The following RAD23B variants were observed in gnomAD, a reference collection of about 807,000 sequenced individuals.
The protein encoded by RAD23B is lysine-specific demethylase RAD23B.
A neutral mutation model predicts 49.1 loss-of-function variants in RAD23B; 5 were observed. The ratio of observed to expected loss-of-function variants is 0.10; its 90% CI spans 0.05 to 0.21. The LOEUF (loss-of-function observed/expected upper bound fraction) is 0.21. Among genes scored for constraint, RAD23B ranks in the 10% least tolerant of loss-of-function variants. The pLI is 1.00. For missense variants in RAD23B, 356 were observed against 486.7 expected, an observed-to-expected ratio of 0.73 and a Z score of 2.53; for synonymous variants, 184 against 165.4, an observed-to-expected ratio of 1.11 and a Z score of -0.86.
intron 1 of RAD23B, chr9:107,284,020 C>T (rs1195735791): frequency 1.9e-6 from 2 of 1,067,646 alleles, no homozygotes; most frequent in African/African-American, 1.7e-5. Flanking sequence ...GCCGTCTCAG[C>T]CGTAGAGCCT....
At chr9:107,292,223 C>T (rs1833396750) in intron 1 of RAD23B, among the ~76,000 whole-genome samples, 1 of 152,144 alleles carries the variant, frequency 6.6e-6, no homozygotes, top group African/African-American at 2.4e-5. Flanking sequence ...TTTACCATTT[C>T]TCCTTTGTGG....
At chr9:107,295,968 C>T (rs770753737) in intron 1 of RAD23B, among the ~76,000 whole-genome samples, 11 of 152,164 alleles carry the variant, frequency 7.2e-5, no homozygotes, top group Non-Finnish European at 1.6e-4. Context: ...AGTAGAGACT[C>T]TAGGGACCAA....
intron 1 of RAD23B, among the ~76,000 whole-genome samples, chr9:107,288,975 A>C (rs370422202): frequency 6.6e-6 from 1 of 152,098 alleles, no homozygotes; most frequent in East Asian, 1.9e-4. Flanking sequence ...AACATTTACA[A>C]GCAGGACAGA....
chr9:107,311,766 C>T, intron 5 of RAD23B, 29 bp downstream of exon 5: 1 of 1,504,402 alleles, frequency 6.6e-7, no homozygotes, highest in East Asian at 2.4e-5. Flanking sequence ...TTATAAATAA[C>T]CTATAAAGAG....
intron 5 of RAD23B, among the ~76,000 whole-genome samples, chr9:107,314,947 A>C (rs1826961391): frequency 6.6e-6 from 1 of 152,092 alleles, no homozygotes; most frequent in African/African-American, 2.4e-5. Flanking sequence ...CTTTTGAAGA[A>C]TGTTTTTTGC....
Position 107,318,729 on chromosome 9 carries a change from TCCCC to T in RAD23B, c.554-22_554-19del. 1 of 1,592,572 alleles carries T rather than the reference TCCCC, an allele frequency of 6.3e-7. No individual in the cohort carries two copies. The highest frequency in any genetic ancestry group is 8.6e-7 in the Non-Finnish European group (1 of 1,165,760). ...CTTATTTATTAAATGTTCCTTTTTT[TCCCC>T]TCCACCCTCCCTTTTTAGTGACGGG... is the stretch of plus-strand genomic sequence containing the variant. On this transcript the variant is annotated intron_variant, in intron 5 of 9. Coordinates refer to ENST00000358015, the MANE Select transcript of RAD23B (RefSeq NM_002874.5). This position sits in a 1 kb window ranked among gnomAD's most constrained non-coding sequence, Gnocchi z 4.3.
At chr9:107,288,772 A>G (rs1353339717) in intron 1 of RAD23B, among the ~76,000 whole-genome samples, 1 of 152,170 alleles carries the variant, frequency 6.6e-6, no homozygotes, top group African/African-American at 2.4e-5. Flanking sequence ...AGTAAAAATG[A>G]GCACTCGAGA....
At position 107,329,702 on chromosome 9, in the gene RAD23B, A is replaced by T. The variant is rs765716880; in HGVS notation, c.*46A>T. On this transcript the variant is annotated 3_prime_UTR_variant, in exon 10 of 10. Transcript: ENST00000358015. ...ACACTTCACACCAGTGCATTACACT[A>T]ACTTGTTCACTGGATTGTCTGGGAT... 7.6e-6 allele frequency: 10 copies of T among 1,320,770 alleles called. No individual in the cohort carries two copies. In the South Asian group the frequency reaches 1.1e-4, roughly 14 times the overall value. The allele number at this position is 1,320,770 out of a possible 1,614,324, so 81.8% of individuals were successfully genotyped here.
chr9:107,291,592 A>G (rs1459556051), intron 1 of RAD23B, among the ~76,000 whole-genome samples: 1 of 152,136 alleles, frequency 6.6e-6, no homozygotes, highest in Non-Finnish European at 1.5e-5. Flanking sequence ...GATTTTTCCT[A>G]TTTGTACTGA....
At chr9:107,316,274 T>G (rs1474340392) in intron 5 of RAD23B, among the ~76,000 whole-genome samples, 1 of 152,204 alleles carries the variant, frequency 6.6e-6, no homozygotes, top group Non-Finnish European at 1.5e-5. Context: ...GCCTCCCAAG[T>G]GCTGGGATTA....
intron 6 of RAD23B, among the ~76,000 whole-genome samples, chr9:107,320,386 A>G (rs1351305404): frequency 1.3e-5 from 2 of 152,202 alleles, no homozygotes; most frequent in Non-Finnish European, 2.9e-5. Context: ...TATAAGTTCA[A>G]CAGTATCAGT....
At chr9:107,284,865 CTG>C in intron 1 of RAD23B, 1 of 1,239,102 alleles carries the variant, frequency 8.1e-7, no homozygotes, top group Non-Finnish European at 1.1e-6. Context: ...GTTTCATTCT[CTG>C]TATAATAGGG....
intron 8 of RAD23B, 147 bp downstream of exon 8, chr9:107,324,164 T>C: frequency 1.1e-6 from 1 of 940,434 alleles, no homozygotes; most frequent in Non-Finnish European, 1.5e-6. Flanking sequence ...TATTGTAATC[T>C]AGATAGGTGT....
chr9:107,321,586 CAACTG>C (rs1222788619), intron 6 of RAD23B, among the ~76,000 whole-genome samples: 1 of 152,166 alleles, frequency 6.6e-6, no homozygotes, highest in African/African-American at 2.4e-5. Context: ...GTTAAAAAGT[CAACTG>C]AACTAATAGG....
intron 3 of RAD23B, among the ~76,000 whole-genome samples, chr9:107,305,525 C>T (rs905125831): frequency 3.3e-5 from 5 of 152,094 alleles, no homozygotes; most frequent in African/African-American, 1.2e-4. Context: ...TAAGTGGACC[C>T]AGTGCAGTTC....
At chr9:107,297,246 A>G (rs1009270692) in intron 1 of RAD23B, among the ~76,000 whole-genome samples, 9 of 151,628 alleles carry the variant, frequency 5.9e-5, no homozygotes, top group African/African-American at 1.7e-4. Context: ...TTGAATAAAC[A>G]TTTTTAGTGT....
At chr9:107,291,916 C>T (rs989615468) in intron 1 of RAD23B, among the ~76,000 whole-genome samples, 16 of 152,112 alleles carry the variant, frequency 1.1e-4, no homozygotes, top group Non-Finnish European at 2.1e-4. Flanking sequence ...TAAATGAAAT[C>T]TCTTTTTCTC....
chr9:107,329,319 G>A (rs1181975865), intron 9 of RAD23B, among the ~76,000 whole-genome samples: 2 of 152,198 alleles, frequency 1.3e-5, no homozygotes. Context: ...TAGGTGATTA[G>A]TAAAGGAAAG....
At chr9:107,304,820 C>T (rs974438487) in intron 3 of RAD23B, among the ~76,000 whole-genome samples, 1 of 152,162 alleles carries the variant, frequency 6.6e-6, no homozygotes, top group Non-Finnish European at 1.5e-5. Flanking sequence ...CTTAGGAGTG[C>T]TGGCCTCTCC....
Sources: allele counts gnomAD v4.1 joint callset (sites outside exome capture counted in the v4.1 genomes callset), GRCh38; gene constraint gnomAD v4.1.1; non-coding constraint Gnocchi (gnomAD v3.1); transcripts MANE v1.5; gene names NCBI Gene and HGNC (gene_info 2026-07-23, HGNC 2026-07-21).